The following TAGAP variants were observed in gnomAD, a reference collection of about 807,000 sequenced individuals.
TAGAP encodes T-cell activation Rho GTPase-activating protein.
Under a neutral mutation model 36.0 loss-of-function variants are expected in TAGAP, and 16 were observed. The observed-to-expected ratio is 0.44, with a 90% CI of 0.30 to 0.68. The LOEUF is 0.68. TAGAP is among the 30% of genes least tolerant of loss of function. The pLI, the probability that TAGAP is intolerant of heterozygous loss-of-function variation, is 0.09. For missense variants in TAGAP, 794 were observed against 921.5 expected (o/e 0.86, Z 1.79); for synonymous variants, 372 against 377.4 (o/e 0.99, Z 0.17).
In TAGAP at chr6:159,036,645, A is replaced by G. The variant is rs1463621498; in HGVS notation, c.1378T>C (p.Phe460Leu). The G allele has an allele frequency of 1.9e-6, 3 of 1,614,144 alleles. No homozygotes were observed. The highest frequency in any genetic ancestry group is 2.2e-5 in the East Asian group (1 of 44,874). ...VLPRALVLKA[F>L]SSSSLDASSD... is the part of the protein sequence containing the mutation. ...GACGCGTCCAGCGAGCTGCTGGAGAAGGCTTTGAGAACCAGTGCCCGCGGG... is the reference window on the plus strand; with the variant it reads ...GACGCGTCCAGCGAGCTGCTGGAGAGGGCTTTGAGAACCAGTGCCCGCGGG... Residue 460 changes from phenylalanine (F) to leucine (L), a missense_variant, in exon 10 of 10, where the codon TTC (phenylalanine) becomes CTC (leucine). Physicochemically the swap from Phe to Leu is conservative, Grantham distance 22. Coordinates refer to ENST00000367066, the MANE Select transcript of TAGAP (RefSeq NM_054114.5). The surrounding 1 kb of genome is among the most constrained non-coding windows in gnomAD (Gnocchi z 4.9).
At position 159,037,295 on chromosome 6, in the gene TAGAP, G is replaced by A. The variant is rs1294076019; in HGVS notation, c.899-171C>T. Among the ~76,000 whole-genome samples, 6 of 152,232 alleles carry A rather than the reference G, an allele frequency of 3.9e-5. No homozygotes were observed. Among genetic ancestry groups the A allele is most frequent in the Admixed American group, 1.3e-4 (2 of 15,292 alleles). Reference sequence around the variant, plus strand: ...CAACCTCTACCTCCCGGGTTCAAGTGATTCTCCTTCCTCAGCCTCAGTAGC... The same window carrying A: ...CAACCTCTACCTCCCGGGTTCAAGTAATTCTCCTTCCTCAGCCTCAGTAGC... On this transcript the variant is annotated intron_variant, in intron 9 of 9. Transcript: ENST00000367066. This position sits in a 1 kb window ranked among gnomAD's most constrained non-coding sequence, Gnocchi z 5.1.
At chr6:159,040,464 C>T (rs1294431586) in intron 7 of TAGAP, among the ~76,000 whole-genome samples, 1 of 152,162 alleles carries the variant, frequency 6.6e-6, no homozygotes, top group African/African-American at 2.4e-5. Flanking sequence ...TTCAGACTTC[C>T]CTACCTCTTG....
intron 8 of TAGAP, chr6:159,038,813 G>A (rs1229233328): frequency 4.4e-6 from 4 of 903,988 alleles, no homozygotes; most frequent in Non-Finnish European, 5.8e-6. Context: ...CAGATTGATA[G>A]ACTGATAGAC....
chr6:159,038,799 G>T (rs12528893), intron 8 of TAGAP: 70,631 of 735,922 alleles, frequency 0.096, 5,406 homozygotes, highest in East Asian at 0.41. Flanking sequence ...AGTAAGTAGT[G>T]TCCCAGATTG....
In TAGAP at chr6:159,037,218, G is replaced by A. The variant is rs970895972; in HGVS notation, c.899-94C>T. 3 of 1,167,392 alleles carry A rather than the reference G, an allele frequency of 2.6e-6. No individual in the cohort carries two copies. The highest frequency in any genetic ancestry group is 2.9e-5 in the East Asian group (1 of 34,684). The allele number at this position is 1,167,392 out of a possible 1,614,324, so 72.3% of individuals were successfully genotyped here. On this transcript the variant is annotated intron_variant, in intron 9 of 9. Transcript: ENST00000367066. The surrounding 1 kb of genome is among the most constrained non-coding windows in gnomAD (Gnocchi z 5.1). ...TTTTATTTTCATTTTTTGAGATGGAGTCTCGGTTTGTTGCCCAGGCTGGAG... is the reference window on the plus strand; with the variant it reads ...TTTTATTTTCATTTTTTGAGATGGAATCTCGGTTTGTTGCCCAGGCTGGAG...
rs767628374 is a variant in TAGAP at position 159,035,982 on chromosome 6, C to T, written c.2041G>A (p.Gly681Arg). Reference protein sequence around the residue: ...RTVHASGDSLGHVSGPGRPEL... With the variant: ...RTVHASGDSLRHVSGPGRPEL... ...GGTCTCCCTGGGCCAGACACGTGCC[C>T]CAGAGAGTCCCCAGAAGCATGGACA... The change falls in exon 10 of 10, where the codon GGG becomes AGG. Residue 681 changes from glycine (G) to arginine (R), a missense_variant. Transcript: ENST00000367066. The T allele has an allele frequency of 6.2e-7, 1 of 1,614,092 alleles. No homozygotes were observed. The highest frequency in any genetic ancestry group is 1.1e-5 in the South Asian group (1 of 91,086).
At chr6:159,043,915 T>C in intron 3 of TAGAP, 63 bp downstream of exon 3, 1 of 1,461,030 alleles carries the variant, frequency 6.8e-7, no homozygotes. Context: ...TAATATTCAA[T>C]TAAAACAAAG....
Position 159,040,674 on chromosome 6 carries a change from A to C in TAGAP, c.587+49T>G, listed in dbSNP as rs116034265. 1,875 of 1,421,504 alleles carry C rather than the reference A, an allele frequency of 1.3e-3. 18 individuals are homozygous for C. The African/African-American group carries it at 0.023, about 17-fold the overall frequency. 88.1% of individuals were successfully genotyped at this position (1,421,504 alleles called of 1,614,324 possible). ...TTAGAAAGCTGTGTAAAGAATCAAAAGACGGAGGTGATGTGGCCTGGCAAT... is the reference window on the plus strand; with the variant it reads ...TTAGAAAGCTGTGTAAAGAATCAAACGACGGAGGTGATGTGGCCTGGCAAT... On this transcript the variant is annotated intron_variant, in intron 7 of 9. Coordinates refer to ENST00000367066, the MANE Select transcript of TAGAP (RefSeq NM_054114.5).
chr6:159,038,064 G>T, intron 9 of TAGAP, 50 bp downstream of exon 9: 1 of 1,223,970 alleles, frequency 8.2e-7, no homozygotes, highest in Non-Finnish European at 1.2e-6. Context: ...CTGGCAGACT[G>T]GCATGAACTT....
chr6:159,036,829 T>C lies in TAGAP; in HGVS notation c.1194A>G (p.Thr398=), dbSNP rs760444903. ...GCACGGGGAAGTCCCCTTCACTCTT[T>C]GTTAGTGTTTGGTTTGTCACCCGGC... ...LESRVTNQTL[T]KSEGDFPVPR... The change falls in exon 10 of 10, where the codon ACA becomes ACG. Residue 398 remains threonine, a synonymous_variant. Coordinates refer to ENST00000367066, the MANE Select transcript of TAGAP (RefSeq NM_054114.5). The surrounding 1 kb of genome is among the most constrained non-coding windows in gnomAD (Gnocchi z 4.9). 2 of 1,614,170 alleles carry C rather than the reference T, an allele frequency of 1.2e-6. No homozygotes were observed. Among genetic ancestry groups the C allele is most frequent in the South Asian group, 2.2e-5 (2 of 91,086 alleles).
chr6:159,038,785 T>G, intron 8 of TAGAP: 1 of 552,590 alleles, frequency 1.8e-6, no homozygotes, highest in Non-Finnish European at 2.5e-6. Context: ...AAAATTTTCA[T>G]TTAAGTAAGT....
At position 159,037,280 on chromosome 6, in the gene TAGAP, C is replaced by T. The variant is rs1312444957; in HGVS notation, c.899-156G>A. Among the ~76,000 whole-genome samples, 1 of 152,076 alleles carries T rather than the reference C, an allele frequency of 6.6e-6. No individual in the cohort carries two copies. Among genetic ancestry groups the T allele is most frequent in the Non-Finnish European group, 1.5e-5 (1 of 68,018 alleles). Reference sequence around the variant, plus strand: ...GATCTCGGCTCACTGCAACCTCTACCTCCCGGGTTCAAGTGATTCTCCTTC... The same window carrying T: ...GATCTCGGCTCACTGCAACCTCTACTTCCCGGGTTCAAGTGATTCTCCTTC... On this transcript the variant is annotated intron_variant, in intron 9 of 9. Transcript: ENST00000367066. This position sits in a 1 kb window ranked among gnomAD's most constrained non-coding sequence, Gnocchi z 5.1.
chr6:159,040,368 T>C, intron 7 of TAGAP, among the ~76,000 whole-genome samples: 1 of 152,188 alleles, frequency 6.6e-6, no homozygotes, highest in East Asian at 1.9e-4. Flanking sequence ...TTAAAGATAA[T>C]CCCGAATTTC....
At position 159,041,864 on chromosome 6, in the gene TAGAP, C is replaced by G. The variant is rs16889420; in HGVS notation, c.315+214G>C. The G allele has an allele frequency of 1.7e-5, 10 of 605,024 alleles. No homozygotes were observed. Among genetic ancestry groups the G allele is most frequent in the Admixed American group, 3.2e-5 (1 of 30,894 alleles). The allele number at this position is 605,024 out of a possible 1,614,324, so 37.5% of individuals were successfully genotyped here. ...GGAATGGCGGGACCATAGCTCTGAGCTCATTGGCAAATACAACTAATTTCA... is the reference window on the plus strand; with the variant it reads ...GGAATGGCGGGACCATAGCTCTGAGGTCATTGGCAAATACAACTAATTTCA... On this transcript the variant is annotated intron_variant, in intron 5 of 9. Transcript: ENST00000367066. This position sits in a 1 kb window ranked among gnomAD's most constrained non-coding sequence, Gnocchi z 4.1.
intron 7 of TAGAP, 42 bp downstream of exon 7, chr6:159,040,681 G>A: frequency 6.8e-7 from 1 of 1,460,180 alleles, no homozygotes; most frequent in East Asian, 2.3e-5. Context: ...AAAAGACGGA[G>A]GTGATGTGGC....
Position 159,036,234 on chromosome 6 carries a change from C to T in TAGAP, c.1789G>A (p.Glu597Lys), listed in dbSNP as rs753873808. The T allele has an allele frequency of 1.2e-6, 2 of 1,612,120 alleles. No homozygotes were observed. Among genetic ancestry groups the T allele is most frequent in the South Asian group, 1.1e-5 (1 of 91,064 alleles). Residue 597 changes from glutamate (E) to lysine (K), a missense_variant, in exon 10 of 10, where the codon GAA becomes AAA. Transcript: ENST00000367066. This position sits in a 1 kb window ranked among gnomAD's most constrained non-coding sequence, Gnocchi z 4.9. ...WERPGSPPSY[E>K]EAMQGPAARL... The stretch of plus-strand genomic sequence containing the variant: ...GCTGCCGGGCCCTGCATGGCCTCTT[C>T]ATAAGAGGGTGGGCTTCCAGGCCTC...
chr6:159,042,338 A>G (rs1179211034), intron 4 of TAGAP, 94 bp from the exon 5 acceptor site: 1 of 1,530,608 alleles, frequency 6.5e-7, no homozygotes, highest in South Asian at 1.3e-5. Context: ...TGGCCGCATA[A>G]TGTGGTCAAT....
intron 3 of TAGAP, 34 bp downstream of exon 3, chr6:159,043,939 CACAGT>C (rs773856737): frequency 6.3e-7 from 1 of 1,575,602 alleles, no homozygotes; most frequent in Non-Finnish European, 8.7e-7. Flanking sequence ...TCCACCTTCT[CACAGT>C]ACAGATAAAA....
Position 159,036,987 on chromosome 6 carries a change from C to A in TAGAP, c.1036G>T (p.Gly346Cys). Residue 346 changes from glycine (G) to cysteine (C), a missense_variant, in exon 10 of 10, where the codon GGC becomes TGC. Coordinates refer to ENST00000367066, the MANE Select transcript of TAGAP (RefSeq NM_054114.5). This position sits in a 1 kb window ranked among gnomAD's most constrained non-coding sequence, Gnocchi z 4.9. The stretch of plus-strand genomic sequence containing the variant: ...CTGACCTCTCGGGCATCCTGTGGGC[C>A]CGCGCTATCCAAGCCAGCAGCTGTG... The part of the protein sequence containing the change: ...MATAAGLDSA[G>C]PQDAREVSPE... 6.2e-7 allele frequency: 1 copy of A among 1,613,732 alleles called. No homozygotes were observed. Among genetic ancestry groups the A allele is most frequent in the Non-Finnish European group, 8.5e-7 (1 of 1,179,926 alleles).
Sources: gnomAD v4.1 joint callset for allele counts (sites outside exome capture counted in the v4.1 genomes callset) on GRCh38, gnomAD v4.1.1 for gene constraint, Gnocchi (gnomAD v3.1) non-coding constraint, MANE v1.5 for transcripts, NCBI Gene and HGNC (gene_info 2026-07-23, HGNC 2026-07-21) for gene names.